FBXL17: variants seen among roughly 807,000 people sequenced by gnomAD.
FBXL17 encodes the protein F-box/LRR-repeat protein 17.
In FBXL17, 22 loss-of-function variants were observed where a neutral mutation model predicts 66.2. The ratio of observed to expected loss-of-function variants is 0.33; its 90% CI spans 0.24 to 0.47. The LOEUF is 0.47. Among genes scored for constraint, FBXL17 ranks in the 20% least tolerant of loss-of-function variants. FBXL17 has a pLI of 1.00. For missense variants in FBXL17, 878 were observed against 948.2 expected, an observed-to-expected ratio of 0.93 and a Z score of 0.97; for synonymous variants, 474 against 400.5, an observed-to-expected ratio of 1.18 and a Z score of -2.19.
chr5:108,061,673 G>A (rs77785529), intron 6 of FBXL17, among the ~76,000 whole-genome samples: 1,778 of 152,160 alleles, frequency 0.012, 33 homozygotes, highest in African/African-American at 0.04. Flanking sequence ...CTCGTAACTG[G>A]ATTATGACAA....
intron 6 of FBXL17, among the ~76,000 whole-genome samples, chr5:108,121,529 A>G (rs1209040653): frequency 1.3e-5 from 2 of 152,170 alleles, no homozygotes; most frequent in African/African-American, 2.4e-5. Flanking sequence ...GGAAAATGCT[A>G]CATAAATCTA....
At chr5:107,956,689 C>T (rs1751677613) in intron 7 of FBXL17, among the ~76,000 whole-genome samples, 1 of 152,120 alleles carries the variant, frequency 6.6e-6, no homozygotes, top group Non-Finnish European at 1.5e-5. Flanking sequence ...ACTTGTTCTG[C>T]AGCTGGTCCA....
chr5:108,256,876 T>C (rs1044767258), intron 4 of FBXL17, among the ~76,000 whole-genome samples: 10 of 152,098 alleles, frequency 6.6e-5, no homozygotes, highest in Non-Finnish European at 1.3e-4. Flanking sequence ...GTGTTTTCCT[T>C]ACTTAGTTTT....
chr5:108,020,685 C>T, intron 7 of FBXL17: 1 of 312,442 alleles, frequency 3.2e-6, no homozygotes, highest in East Asian at 5.1e-5. Flanking sequence ...TGTGTGTGTG[C>T]AAACATACAT....
intron 7 of FBXL17, among the ~76,000 whole-genome samples, chr5:107,969,144 A>G (rs1468884786): frequency 2.0e-5 from 3 of 152,158 alleles, no homozygotes; most frequent in African/African-American, 7.2e-5. Flanking sequence ...AGCAGAGACT[A>G]GGTGGCCCGG....
At chr5:108,025,719 G>GCA (rs1561373819) in intron 6 of FBXL17, among the ~76,000 whole-genome samples, 5 of 104,078 alleles carry the variant, frequency 4.8e-5, no homozygotes, top group African/African-American at 7.8e-5. Context: ...ACACACACAC[G>GCA]CGCGCGCGCA....
intron 4 of FBXL17, among the ~76,000 whole-genome samples, chr5:108,229,597 C>A (rs1302311791): frequency 6.6e-6 from 1 of 152,114 alleles, no homozygotes; most frequent in Non-Finnish European, 1.5e-5. Context: ...AATCTAAGAC[C>A]TGAAACTATA....
intron 4 of FBXL17, among the ~76,000 whole-genome samples, chr5:108,225,048 TCAC>T (rs1755042917): frequency 6.6e-6 from 1 of 152,158 alleles, no homozygotes; most frequent in African/African-American, 2.4e-5. Context: ...CAGAACATGT[TCAC>T]CACCCCCCAA....
intron 6 of FBXL17, among the ~76,000 whole-genome samples, chr5:108,092,010 T>G (rs1353247821): frequency 6.6e-6 from 1 of 152,202 alleles, no homozygotes; most frequent in African/African-American, 2.4e-5. Flanking sequence ...ACACAATATC[T>G]TTCCTCTGTT....
rs1749018295 is a variant in FBXL17 at position 107,887,628 on chromosome 5, A to G, written c.1823-6449T>C. On this transcript the variant is annotated intron_variant, in intron 7 of 8. Coordinates refer to ENST00000542267, the MANE Select transcript of FBXL17 (RefSeq NM_001163315.3). The stretch of plus-strand genomic sequence containing the variant: ...ACGTGCTCTTCTTTGTAGAAGCCAC[A>G]GAAGCTCCAAAAACAAAGAAATGAC... Among the ~76,000 whole-genome samples, 9 of 152,228 alleles carry G rather than the reference A, an allele frequency of 5.9e-5. 1 individual carries two copies. The highest frequency in any genetic ancestry group is 5.2e-4 in the Admixed American group (8 of 15,274).
chr5:107,969,925 C>T (rs1752304767), intron 7 of FBXL17, among the ~76,000 whole-genome samples: 1 of 152,114 alleles, frequency 6.6e-6, no homozygotes, highest in South Asian at 2.1e-4. Flanking sequence ...AACACTAATG[C>T]CATGCTACAT....
At chr5:108,300,623 T>C (rs1365734802) in intron 4 of FBXL17, among the ~76,000 whole-genome samples, 3 of 151,842 alleles carry the variant, frequency 2.0e-5, no homozygotes, top group East Asian at 3.9e-4. Flanking sequence ...TATTTCACTA[T>C]TGTAGCAATT....
rs570888894 is a variant in FBXL17, at chr5:108,128,208, T to C, written c.1745+57909A>G. ...TTGCAGTGAGCCGAGATCATGCCACTGCATTCCAGCCTGGGCAACAGAGCA... is the reference window on the plus strand; with the variant it reads ...TTGCAGTGAGCCGAGATCATGCCACCGCATTCCAGCCTGGGCAACAGAGCA... On this transcript the variant is annotated intron_variant, in intron 6 of 8. Transcript: ENST00000542267. Among the ~76,000 whole-genome samples the C allele has an allele frequency of 1.1e-4, 17 of 151,228 alleles. No individual in the cohort carries two copies. The East Asian group carries it at 1.9e-3, about 17-fold the overall frequency.
chr5:108,187,681 A>T (rs1753294399), intron 5 of FBXL17, among the ~76,000 whole-genome samples: 1 of 152,194 alleles, frequency 6.6e-6, no homozygotes, highest in Non-Finnish European at 1.5e-5. Flanking sequence ...CCTCAGACTT[A>T]CAACCTTAAG....
At chr5:108,013,391 C>T (rs288182) in intron 7 of FBXL17, among the ~76,000 whole-genome samples, 116,951 of 152,124 alleles carry the variant, frequency 0.77, 45,236 homozygotes, top group East Asian at 0.93. Flanking sequence ...ATTCTTTCTT[C>T]AGAATAACCA....
intron 7 of FBXL17, among the ~76,000 whole-genome samples, chr5:107,948,256 G>A (rs1751378957): frequency 6.6e-6 from 1 of 152,042 alleles, no homozygotes; most frequent in Non-Finnish European, 1.5e-5. Context: ...ACTTTTTTCT[G>A]AGTATTTACC....
intron 6 of FBXL17, among the ~76,000 whole-genome samples, chr5:108,177,030 C>G (rs1036519339): frequency 6.6e-6 from 1 of 152,116 alleles, no homozygotes; most frequent in East Asian, 1.9e-4. Context: ...AATTGAAAGA[C>G]AACTTATTCA....
chr5:107,876,808 C>T (rs1188853197), intron 8 of FBXL17, among the ~76,000 whole-genome samples: 5 of 152,138 alleles, frequency 3.3e-5, no homozygotes, highest in Admixed American at 2.0e-4. Flanking sequence ...TATAGAGAAT[C>T]TAGAATTCAC....
At chr5:107,970,562 G>A (rs554641065) in intron 7 of FBXL17, among the ~76,000 whole-genome samples, 13 of 152,162 alleles carry the variant, frequency 8.5e-5, no homozygotes, top group Non-Finnish European at 1.6e-4. Context: ...GAAAAGGCCT[G>A]TTCTTTAGAC....
Sources: allele counts gnomAD v4.1 joint callset (sites outside exome capture counted in the v4.1 genomes callset), GRCh38; gene constraint gnomAD v4.1.1; transcripts MANE v1.5; gene names NCBI Gene and HGNC (gene_info 2026-07-23, HGNC 2026-07-21).